Variants in NKAIN2 observed in about 807,000 individuals in gnomAD.
NKAIN2 encodes the protein sodium/potassium-transporting ATPase subunit beta-1-interacting protein 2.
A neutral mutation model predicts 32.6 loss-of-function variants in NKAIN2; 14 were observed. The observed-to-expected ratio is 0.43, with a 90% CI of 0.28 to 0.67. NKAIN2 has a LOEUF of 0.67. Among genes scored for constraint, NKAIN2 ranks in the 30% least tolerant of loss-of-function variants. NKAIN2 has a pLI of 0.17. For synonymous variants in NKAIN2, 80 were observed against 87.2 expected, an observed-to-expected ratio of 0.92 and a Z score of 0.46; for missense variants, 198 against 258.3, an observed-to-expected ratio of 0.77 and a Z score of 1.60.
At chr6:124,759,757 T>C (rs1778170286) in intron 4 of NKAIN2, among the ~76,000 whole-genome samples, 1 of 151,968 alleles carries the variant, frequency 6.6e-6, no homozygotes, top group South Asian at 2.1e-4. Context: ...GTTGGAAATA[T>C]ATTTCCCAAT....
intron 3 of NKAIN2, among the ~76,000 whole-genome samples, chr6:124,455,136 G>A (rs145723694): frequency 4.6e-5 from 7 of 152,058 alleles, no homozygotes; most frequent in East Asian, 1.9e-4. Flanking sequence ...GTTACTCATC[G>A]GTGTTCTGAA....
intron 1 of NKAIN2, among the ~76,000 whole-genome samples, chr6:123,812,926 T>A (rs1773539140): frequency 6.6e-6 from 1 of 152,234 alleles, no homozygotes; most frequent in African/African-American, 2.4e-5. Context: ...TCTGTATTAT[T>A]CTAATTACAC....
chr6:124,421,087 A>C (rs1227691762), intron 3 of NKAIN2, among the ~76,000 whole-genome samples: 1 of 151,584 alleles, frequency 6.6e-6, no homozygotes, highest in African/African-American at 2.4e-5. Flanking sequence ...AAAAAAAAAA[A>C]AAAAAAACAT....
intron 1 of NKAIN2, among the ~76,000 whole-genome samples, chr6:124,216,753 TTAAA>T (rs2114679587): frequency 6.6e-6 from 1 of 152,280 alleles, no homozygotes. Context: ...ATAATCTATA[TTAAA>T]TAAGGAGTTT....
chr6:124,627,984 TAC>T (rs1252828521), intron 3 of NKAIN2, among the ~76,000 whole-genome samples: 4 of 152,004 alleles, frequency 2.6e-5, no homozygotes, highest in Non-Finnish European at 5.9e-5. Flanking sequence ...ATTTTTCACT[TAC>T]ATTCACATAC....
chr6:124,415,878 C>CTTTTTTTTTT, intron 3 of NKAIN2, among the ~76,000 whole-genome samples: 8 of 72,602 alleles, frequency 1.1e-4, no homozygotes, highest in African/African-American at 2.0e-4. Flanking sequence ...TTTTTATTTG[C>CTTTTTTTTTT]TTTTTTTTTT....
intron 1 of NKAIN2, among the ~76,000 whole-genome samples, chr6:124,087,020 T>C (rs1159114620): frequency 6.6e-6 from 1 of 151,880 alleles, no homozygotes; most frequent in African/African-American, 2.4e-5. Flanking sequence ...ACAAAAATCC[T>C]CTACAAAATA....
chr6:124,245,601 T>C (rs1242984461), intron 1 of NKAIN2, among the ~76,000 whole-genome samples: 1 of 152,110 alleles, frequency 6.6e-6, no homozygotes, highest in East Asian at 1.9e-4. Context: ...CTTCAGTAAC[T>C]GATATTCAGA....
intron 3 of NKAIN2, among the ~76,000 whole-genome samples, chr6:124,434,788 G>A (rs1775365555): frequency 6.6e-6 from 1 of 152,170 alleles, no homozygotes; most frequent in Non-Finnish European, 1.5e-5. Context: ...CTTAATAGCA[G>A]TATAAGTTTT....
intron 1 of NKAIN2, among the ~76,000 whole-genome samples, chr6:124,147,252 A>G (rs754673128): frequency 6.6e-6 from 1 of 152,202 alleles, no homozygotes; most frequent in African/African-American, 2.4e-5. Flanking sequence ...AAAGCGTGAC[A>G]TTCTGATCCA....
chr6:124,812,060 T>A (rs565779504), intron 5 of NKAIN2, among the ~76,000 whole-genome samples: 3 of 152,192 alleles, frequency 2.0e-5, no homozygotes, highest in Admixed American at 2.0e-4. Context: ...TAACACTCGA[T>A]AGCATTCATC....
intron 4 of NKAIN2, among the ~76,000 whole-genome samples, chr6:124,673,835 C>A (rs754262712): frequency 8.6e-5 from 13 of 151,468 alleles, no homozygotes. Flanking sequence ...CCCTAGGTTG[C>A]CTTTTCAGTC....
At chr6:124,001,800 A>AATATAT (rs10567719) in intron 1 of NKAIN2, among the ~76,000 whole-genome samples, 5,908 of 134,788 alleles carry the variant, frequency 0.044, 185 homozygotes, top group Admixed American at 0.084. Context: ...CTTAGTTCTA[A>AATATAT]ATATATATAT....
chr6:124,371,048 C>T (rs116981916), intron 3 of NKAIN2, among the ~76,000 whole-genome samples: 1 of 152,110 alleles, frequency 6.6e-6, no homozygotes, highest in East Asian at 1.9e-4. Flanking sequence ...CATAATGAGT[C>T]CAATTCTTCT....
At chr6:124,717,740 G>T (rs927465582) in intron 4 of NKAIN2, among the ~76,000 whole-genome samples, 37 of 152,066 alleles carry the variant, frequency 2.4e-4, no homozygotes, top group African/African-American at 8.5e-4. Flanking sequence ...TAAGATGACT[G>T]TAATTCCACC....
intron 1 of NKAIN2, among the ~76,000 whole-genome samples, chr6:123,870,100 TG>T (rs1772791510): frequency 6.6e-6 from 1 of 152,226 alleles, no homozygotes; most frequent in African/African-American, 2.4e-5. Flanking sequence ...TTTTACTCTG[TG>T]TGCCAGATGG....
chr6:124,153,199 G>C (rs1441070493), intron 1 of NKAIN2, among the ~76,000 whole-genome samples: 3 of 151,718 alleles, frequency 2.0e-5, no homozygotes, highest in Non-Finnish European at 4.4e-5. Flanking sequence ...TGGATATTCC[G>C]ATTACCCTGA....
chr6:124,639,466 T>A (rs975787530), intron 3 of NKAIN2, among the ~76,000 whole-genome samples: 1 of 152,186 alleles, frequency 6.6e-6, no homozygotes, highest in African/African-American at 2.4e-5. Flanking sequence ...AAACCCCATC[T>A]CTGCTAAACA....
intron 5 of NKAIN2, among the ~76,000 whole-genome samples, chr6:124,817,718 ACCG>A (rs1306175274): frequency 6.6e-6 from 1 of 152,198 alleles, no homozygotes; most frequent in East Asian, 1.9e-4. Context: ...AGATACTCTT[ACCG>A]CCATTTTGGA....
Sources: gnomAD v4.1 joint callset for allele counts (sites outside exome capture counted in the v4.1 genomes callset) on GRCh38, gnomAD v4.1.1 for gene constraint, MANE v1.5 for transcripts, NCBI Gene and HGNC (gene_info 2026-07-23, HGNC 2026-07-21) for gene names.